SPRR2G: variants seen among roughly 807,000 people sequenced by gnomAD.
SPRR2G encodes the protein small proline rich protein 2G, also known as small proline-rich protein 2G.
In SPRR2G, 1 loss-of-function variant was observed where a neutral mutation model predicts 0.7. The observed-to-expected ratio is 1.49, with a 90% CI of 0.53 to 7.06. SPRR2G has a LOEUF of 7.06. SPRR2G is among the 30% of genes most tolerant of loss of function. The pLI, the probability that SPRR2G is intolerant of heterozygous loss-of-function variation, is 0.14. For missense variants in SPRR2G, 96 were observed against 88.5 expected (o/e 1.09, Z -0.34); for synonymous variants, 38 against 33.9 (o/e 1.12, Z -0.42).
chr1:153,182,594 A>G, the SPRR2G span, among the ~76,000 whole-genome samples: 1 of 151,830 alleles, frequency 6.6e-6, no homozygotes, highest in Non-Finnish European at 1.5e-5. Context: ...CCCTCTGTCC[A>G]TGTGTTCTCA....
At chr1:153,153,850 A>G (rs1005316055), upstream of SPRR2G, among the ~76,000 whole-genome samples, 7 of 152,118 alleles carry the variant, frequency 4.6e-5, no homozygotes, top group Non-Finnish European at 1.0e-4. Flanking sequence ...AAAATAATAG[A>G]ATTAGAAATG....
Position 153,149,892 on chromosome 1 carries a change from C to T in SPRR2G, c.219G>A (p.Lys73=), listed in dbSNP as rs1248473160. ...GTCCTGATGAATTCTAGTGATGTTA[C>T]TTGCTCTTGGGTGGATACTTCTGCT... ...PCQQKYPPKS[K] is the part of the protein sequence containing the mutation. The change falls in exon 2 of 2, where the codon AAG becomes AAA. Residue 73 remains lysine, a synonymous_variant. Coordinates refer to ENST00000368748, the MANE Select transcript of SPRR2G (RefSeq NM_001014291.4). 4.3e-6 allele frequency: 7 copies of T among 1,614,010 alleles called. No individual in the cohort carries two copies. The highest frequency in any genetic ancestry group is 4.0e-5 in the African/African-American group (3 of 74,920).
At chr1:153,166,374 T>C in the SPRR2G span, among the ~76,000 whole-genome samples, 3 of 152,316 alleles carry the variant, frequency 2.0e-5, no homozygotes, top group African/African-American at 7.2e-5. Flanking sequence ...CTCTCCTACA[T>C]GGGCATTTAA....
At chr1:153,152,710 G>A (rs1354984180), upstream of SPRR2G, among the ~76,000 whole-genome samples, 1 of 152,180 alleles carries the variant, frequency 6.6e-6, no homozygotes, top group Non-Finnish European at 1.5e-5. Context: ...CACTTTCACA[G>A]CGTTCTTTCT....
At chr1:153,169,932 C>T in the SPRR2G span, among the ~76,000 whole-genome samples, 13 of 152,164 alleles carry the variant, frequency 8.5e-5, no homozygotes, top group South Asian at 1.0e-3. Context: ...CAGACTGAAC[C>T]GCTTTATGGA....
the SPRR2G span, among the ~76,000 whole-genome samples, chr1:153,165,430 C>T: frequency 6.6e-6 from 1 of 152,164 alleles, no homozygotes; most frequent in South Asian, 2.1e-4. Context: ...CAGAACTTCC[C>T]AGGTTCCAGA....
chr1:153,154,609 A>G (rs897007421), upstream of SPRR2G, among the ~76,000 whole-genome samples: 1 of 151,852 alleles, frequency 6.6e-6, no homozygotes, highest in Admixed American at 6.6e-5. Context: ...TAATTTATCA[A>G]TTTCTTCTAG....
chr1:153,196,237 T>C, the SPRR2G span, among the ~76,000 whole-genome samples: 1 of 152,222 alleles, frequency 6.6e-6, no homozygotes, highest in African/African-American at 2.4e-5. Flanking sequence ...CCCCTGTCCC[T>C]GGTAACCACT....
At chr1:153,173,923 A>G in the SPRR2G span, among the ~76,000 whole-genome samples, 1 of 152,320 alleles carries the variant, frequency 6.6e-6, no homozygotes, top group South Asian at 2.1e-4. Flanking sequence ...ACCATAAAGG[A>G]TGGGGCAGGA....
upstream of SPRR2G, among the ~76,000 whole-genome samples, chr1:153,151,957 T>C (rs1225973848): frequency 6.6e-6 from 1 of 152,172 alleles, no homozygotes; most frequent in Non-Finnish European, 1.5e-5. Flanking sequence ...AAAACTTGAG[T>C]ACCTTGGTTA....
chr1:153,186,220 T>C, the SPRR2G span, among the ~76,000 whole-genome samples: 1 of 152,212 alleles, frequency 6.6e-6, no homozygotes, highest in Non-Finnish European at 1.5e-5. Context: ...TCTGTAGATG[T>C]CTATTAGGTC....
chr1:153,192,059 G>A, the SPRR2G span, among the ~76,000 whole-genome samples: 386 of 152,318 alleles, frequency 2.5e-3, 2 homozygotes, highest in South Asian at 0.022. Context: ...AAGCCTCCTC[G>A]GTTGTCTCCT....
chr1:153,158,704 G>T, the SPRR2G span, among the ~76,000 whole-genome samples: 1 of 152,224 alleles, frequency 6.6e-6, no homozygotes, highest in Non-Finnish European at 1.5e-5. Context: ...CCCTAGAAGA[G>T]GTTCTCCATG....
At chr1:153,185,266 T>G in the SPRR2G span, among the ~76,000 whole-genome samples, 7 of 152,200 alleles carry the variant, frequency 4.6e-5, no homozygotes, top group East Asian at 1.2e-3. Context: ...TTTGGAATAG[T>G]GTCAGAAGGA....
the SPRR2G span, among the ~76,000 whole-genome samples, chr1:153,185,101 G>C: frequency 6.6e-6 from 1 of 152,174 alleles, no homozygotes; most frequent in African/African-American, 2.4e-5. Flanking sequence ...GCTGGATTCA[G>C]TTTGCCAGTA....
At chr1:153,177,555 A>G in the SPRR2G span, among the ~76,000 whole-genome samples, 11 of 152,002 alleles carry the variant, frequency 7.2e-5, no homozygotes. Flanking sequence ...GTCTGAAATG[A>G]TATCTTATGG....
the SPRR2G span, among the ~76,000 whole-genome samples, chr1:153,199,615 T>C: frequency 6.6e-6 from 1 of 152,218 alleles, no homozygotes; most frequent in East Asian, 1.9e-4. Flanking sequence ...ATAGAGAAGA[T>C]ACTCTTCTTT....
chr1:153,187,210 G>A, the SPRR2G span, among the ~76,000 whole-genome samples: 3 of 152,094 alleles, frequency 2.0e-5, no homozygotes, highest in African/African-American at 7.2e-5. Flanking sequence ...AATCTTAGAG[G>A]TGTTCTCTGT....
At chr1:153,168,423 C>T in the SPRR2G span, among the ~76,000 whole-genome samples, 1 of 152,192 alleles carries the variant, frequency 6.6e-6, no homozygotes, top group Non-Finnish European at 1.5e-5. Context: ...GTGAATGCCA[C>T]AGAAATTGAT....
Sources: allele counts gnomAD v4.1 joint callset (sites outside exome capture counted in the v4.1 genomes callset), GRCh38; gene constraint gnomAD v4.1.1; transcripts MANE v1.5; gene names NCBI Gene and HGNC (gene_info 2026-07-23, HGNC 2026-07-21).